GPC5: variants seen among roughly 807,000 people sequenced by gnomAD.
GPC5 encodes glypican 5.
Under a neutral mutation model 53.9 loss-of-function variants are expected in GPC5, and 47 were observed. The ratio of observed to expected loss-of-function variants is 0.87; its 90% CI spans 0.69 to 1.11. The LOEUF (loss-of-function observed/expected upper bound fraction) is 1.11. Ranked by LOEUF, GPC5 falls within the 50% of genes most tolerant of loss-of-function variation. GPC5 has a pLI of 0.00. For synonymous variants in GPC5, 286 were observed against 263.3 expected (o/e 1.09, Z -0.84); for missense variants, 748 against 713.1 (o/e 1.05, Z -0.56).
chr13:92,398,902 C>T (rs9670608), intron 7 of GPC5, among the ~76,000 whole-genome samples: 2,331 of 152,226 alleles, frequency 0.015, 68 homozygotes, highest in African/African-American at 0.054. Flanking sequence ...CTCTCTTTCT[C>T]TCCCCCACCT....
In GPC5 at chr13:92,250,239, T is replaced by A. The variant is rs3803208; in HGVS notation, c.1561+105250T>A. Among the ~76,000 whole-genome samples, 767 of 152,274 alleles carry A rather than the reference T, an allele frequency of 5.0e-3. 11 individuals carry two copies. Among genetic ancestry groups the A allele is most frequent in the South Asian group, 0.04 (192 of 4,828 alleles). On this transcript the variant is annotated intron_variant, in intron 7 of 7. Transcript: ENST00000377067. The stretch of plus-strand genomic sequence containing the variant: ...TGCACCAGATGTGTATGGCTTTTTA[T>A]GTTTATGCCTGAGTGTTTAGGTTCA...
At chr13:92,391,473 A>G (rs1458411486) in intron 7 of GPC5, among the ~76,000 whole-genome samples, 1 of 152,122 alleles carries the variant, frequency 6.6e-6, no homozygotes, top group Non-Finnish European at 1.5e-5. Context: ...AACCTTTTGT[A>G]TTTCATCTTG....
intron 6 of GPC5, among the ~76,000 whole-genome samples, chr13:91,983,850 C>T (rs997410990): frequency 2.0e-4 from 31 of 152,278 alleles, no homozygotes; most frequent in African/African-American, 7.0e-4. Flanking sequence ...CTACCTACAT[C>T]CTGAGGTCAA....
intron 6 of GPC5, among the ~76,000 whole-genome samples, chr13:92,027,301 A>T (rs908784334): frequency 2.0e-5 from 3 of 152,154 alleles, no homozygotes; most frequent in African/African-American, 4.8e-5. Context: ...ATTGTACATT[A>T]TGTTCTCACT....
At chr13:92,057,711 C>G (rs1217935880) in intron 6 of GPC5, among the ~76,000 whole-genome samples, 2 of 152,014 alleles carry the variant, frequency 1.3e-5, no homozygotes, top group Non-Finnish European at 2.9e-5. Flanking sequence ...TAACATGGAT[C>G]CAGAATGATG....
intron 6 of GPC5, among the ~76,000 whole-genome samples, chr13:91,956,370 C>A (rs2040073847): frequency 6.6e-6 from 1 of 152,042 alleles, no homozygotes; most frequent in African/African-American, 2.4e-5. Context: ...CAGCTCCCAT[C>A]AACACCAATA....
chr13:92,423,806 G>A (rs1876696693), intron 7 of GPC5, among the ~76,000 whole-genome samples: 1 of 152,112 alleles, frequency 6.6e-6, no homozygotes, highest in Non-Finnish European at 1.5e-5. Context: ...TTAATGTTAT[G>A]ACCTGAGGAT....
intron 6 of GPC5, among the ~76,000 whole-genome samples, chr13:92,110,478 G>A (rs1392598323): frequency 6.6e-6 from 1 of 151,966 alleles, no homozygotes; most frequent in Non-Finnish European, 1.5e-5. Context: ...TGGCAGATGG[G>A]CAGCTATTTC....
Position 91,592,415 on chromosome 13 carries a change from C to A in GPC5, c.326-100772C>A, listed in dbSNP as rs569115070. Among the ~76,000 whole-genome samples the A allele has an allele frequency of 1.6e-3, 247 of 152,260 alleles. 1 individual carries two copies. The highest frequency in any genetic ancestry group is 7.1e-4 in the Non-Finnish European group (48 of 68,016). ...GCCCCCTGCAACCACTGGCACTGTG[C>A]CTGCATTTCTTTTGTGAGGTGTTCT... On this transcript the variant is annotated intron_variant, in intron 2 of 7. Coordinates refer to ENST00000377067, the MANE Select transcript of GPC5 (RefSeq NM_004466.6).
chr13:92,515,191 A>T (rs551036501), intron 7 of GPC5, among the ~76,000 whole-genome samples: 1 of 152,210 alleles, frequency 6.6e-6, no homozygotes. Flanking sequence ...GAGTGTTTCC[A>T]CTGTGTCAGG....
At chr13:91,597,417 T>G (rs1046676647) in intron 2 of GPC5, among the ~76,000 whole-genome samples, 8 of 152,220 alleles carry the variant, frequency 5.3e-5, no homozygotes, top group Non-Finnish European at 7.3e-5. Flanking sequence ...TGAATATTTT[T>G]CTTTATATGG....
At chr13:92,167,577 A>G (rs2042040942) in intron 7 of GPC5, among the ~76,000 whole-genome samples, 1 of 152,230 alleles carries the variant, frequency 6.6e-6, no homozygotes, top group African/African-American at 2.4e-5. Context: ...AATGGTTTTA[A>G]AAGAAACAAC....
intron 6 of GPC5, among the ~76,000 whole-genome samples, chr13:92,085,236 T>C (rs539315915): frequency 3.3e-5 from 5 of 152,236 alleles, no homozygotes; most frequent in Non-Finnish European, 5.9e-5. Context: ...AAGAGAGAAA[T>C]TGAGAGACAG....
intron 7 of GPC5, among the ~76,000 whole-genome samples, chr13:92,372,045 GC>G (rs2043654779): frequency 6.6e-6 from 1 of 152,094 alleles, no homozygotes; most frequent in African/African-American, 2.4e-5. Context: ...ATCACAAGGA[GC>G]TTCCTTCTGC....
intron 7 of GPC5, among the ~76,000 whole-genome samples, chr13:92,184,510 T>C (rs1445282822): frequency 6.6e-6 from 1 of 152,164 alleles, no homozygotes; most frequent in Non-Finnish European, 1.5e-5. Context: ...TCTGTCTTTG[T>C]GTCAAAATTG....
chr13:92,801,545 T>G (rs1876908915), intron 7 of GPC5, among the ~76,000 whole-genome samples: 1 of 151,794 alleles, frequency 6.6e-6, no homozygotes, highest in South Asian at 2.1e-4. Flanking sequence ...TAGAGTGTAC[T>G]CCTTCAATTT....
chr13:92,348,309 C>T lies in GPC5; in HGVS notation c.1561+203320C>T, dbSNP rs1186208317. Among the ~76,000 whole-genome samples, 5 of 151,564 alleles carry T rather than the reference C, an allele frequency of 3.3e-5. No individual in the cohort carries two copies. In the East Asian group the frequency reaches 9.8e-4, roughly 30 times the overall value. ...ATGCAAATGAAAACAAAAAGAAAAGCTCAAAAACTGAAATAGGAGACGCAT... is the reference window on the plus strand; with the variant it reads ...ATGCAAATGAAAACAAAAAGAAAAGTTCAAAAACTGAAATAGGAGACGCAT... On this transcript the variant is annotated intron_variant, in intron 7 of 7. Coordinates refer to ENST00000377067, the MANE Select transcript of GPC5 (RefSeq NM_004466.6).
intron 7 of GPC5, among the ~76,000 whole-genome samples, chr13:92,635,594 G>A (rs1885384223): frequency 6.6e-6 from 1 of 152,106 alleles, no homozygotes. Context: ...CTCTCCTAAA[G>A]GTCCCACTTC....
At chr13:92,254,001 C>T (rs1264929150) in intron 7 of GPC5, among the ~76,000 whole-genome samples, 1 of 152,060 alleles carries the variant, frequency 6.6e-6, no homozygotes, top group African/African-American at 2.4e-5. Flanking sequence ...CAGCTGATTC[C>T]ACCCCTAAGC....
Sources: allele counts gnomAD v4.1 joint callset (sites outside exome capture counted in the v4.1 genomes callset), GRCh38; gene constraint gnomAD v4.1.1; transcripts MANE v1.5; gene names NCBI Gene and HGNC (gene_info 2026-07-23, HGNC 2026-07-21).